Variants in FAM193A observed in about 807,000 individuals in gnomAD.
FAM193A encodes protein FAM193A.
In FAM193A, 22 loss-of-function variants were observed where a neutral mutation model predicts 126.5. That is an observed-to-expected ratio of 0.17 (90% confidence interval 0.12 to 0.25). The LOEUF (loss-of-function observed/expected upper bound fraction) is 0.25, where lower values mean the gene tolerates loss of function less well. Ranked by LOEUF, FAM193A falls within the 10% of genes least tolerant of loss-of-function variation. The probability of loss-of-function intolerance (pLI) is 1.00; values close to 1 mark genes in which losing one functional copy is unlikely to be tolerated. For synonymous variants in FAM193A, 761 were observed against 646.8 expected (o/e 1.18, Z -2.68); for missense variants, 1,675 against 1,672.8 (o/e 1.00, Z -0.02).
At chr4:2,556,866 C>G (rs2108831867) in intron 1 of FAM193A, among the ~76,000 whole-genome samples, 1 of 152,218 alleles carries the variant, frequency 6.6e-6, no homozygotes, top group Admixed American at 6.5e-5. Flanking sequence ...TTAGATAGAG[C>G]TTGAAACTGA....
intron 2 of FAM193A, among the ~76,000 whole-genome samples, chr4:2,624,812 G>C (rs527496850): frequency 9.8e-5 from 15 of 152,312 alleles, no homozygotes; most frequent in African/African-American, 3.6e-4. Context: ...AAAATGGTGG[G>C]ATTACAGGCG....
intron 2 of FAM193A, chr4:2,608,049 T>G: frequency 6.2e-7 from 1 of 1,608,752 alleles, no homozygotes; most frequent in Non-Finnish European, 8.5e-7. Flanking sequence ...GTGTGCAGCA[T>G]AAATTGCAGA....
At position 2,594,820 on chromosome 4, in the gene FAM193A, CTTTTTTTTTTT is replaced by C. The variant is rs386399069; in HGVS notation, c.256-1248_256-1238del. ...GTTTCTTTCTTTTTCTTTTCTTTTC[CTTTTTTTTTTT>C]TTTTTTTTTTTTTTTGAGACTTAGT... On this transcript the variant is annotated intron_variant, in intron 1 of 20. Transcript: ENST00000637812. 5.9e-4 allele frequency among the ~76,000 whole-genome samples: 37 copies of C among 62,230 alleles called. 1 individual carries two copies. Among genetic ancestry groups the C allele is most frequent in the East Asian group, 1.1e-3 (2 of 1,790 alleles). 40.8% of individuals were successfully genotyped at this position (62,230 alleles called of 152,430 possible).
chr4:2,568,935 G>A (rs1739125446), intron 1 of FAM193A, among the ~76,000 whole-genome samples: 1 of 149,232 alleles, frequency 6.7e-6, no homozygotes, highest in South Asian at 2.1e-4. Context: ...ACACTAGTGT[G>A]GTTACTCATT....
chr4:2,548,337 C>T (rs1389860766), intron 1 of FAM193A, among the ~76,000 whole-genome samples: 11 of 152,078 alleles, frequency 7.2e-5, no homozygotes, highest in Non-Finnish European at 1.5e-4. Flanking sequence ...TCCCAAAGTA[C>T]TGGGATTTCA....
In FAM193A at chr4:2,601,725, TA is replaced by T. The variant is rs974230252; in HGVS notation, c.501+5409del. ...CTAACATAGAAAGACTCTGTCTCTA[TA>T]AAAAAAAAAAAATTATAAACCAAAA... On this transcript the variant is annotated intron_variant, in intron 2 of 20. Transcript: ENST00000637812. Among the ~76,000 whole-genome samples, 1,303 of 143,098 alleles carry T rather than the reference TA, an allele frequency of 9.1e-3. 20 individuals are homozygous for T. The highest frequency in any genetic ancestry group is 0.027 in the African/African-American group (1,072 of 39,342). The allele number at this position is 143,098 out of a possible 152,430, so 93.9% of individuals were successfully genotyped here.
intron 15 of FAM193A, 58 bp from the exon 16 acceptor site, chr4:2,693,528 A>G (rs1162709061): frequency 6.6e-7 from 1 of 1,516,020 alleles, no homozygotes; most frequent in Non-Finnish European, 9.0e-7. Context: ...CAGATTTTCT[A>G]CAGGTTTGAA....
Position 2,646,741 on chromosome 4 carries a change from A to G in FAM193A, c.1220A>G (p.Gln407Arg). The change falls in exon 7 of 21, where the codon CAG becomes CGG. Residue 407 changes from glutamine (Q) to arginine (R), a missense_variant. Physicochemically the swap from Gln to Arg is conservative, Grantham distance 43. Coordinates refer to ENST00000637812, the MANE Select transcript of FAM193A (RefSeq NM_001366318.2). ...CSEDTYSTLL[Q>R]RYQRSEEELR... ...GAGGACACATACAGTACCTTGCTGC[A>G]GAGGTACCAGCGTTCCGAGGAGGAG... 6.2e-7 allele frequency: 1 copy of G among 1,614,086 alleles called. No individual in the cohort carries two copies.
upstream of FAM193A, chr4:2,536,576 G>A (rs1472055737): frequency 2.0e-5 from 3 of 147,108 alleles, no homozygotes; most frequent in African/African-American, 7.4e-5. Context: ...GGCGGGGTGG[G>A]GGTGGGGGGT....
chr4:2,660,773 A>G (rs1454937796), intron 10 of FAM193A, among the ~76,000 whole-genome samples: 2 of 152,186 alleles, frequency 1.3e-5, no homozygotes, highest in African/African-American at 2.4e-5. Context: ...ACTTGTGTTC[A>G]TTCCTTCTGT....
rs190316800 is a variant in FAM193A at position 2,542,404 on chromosome 4, A to G, written c.255+5234A>G. Among the ~76,000 whole-genome samples the G allele has an allele frequency of 2.0e-3, 299 of 152,346 alleles. 10 individuals are homozygous for G. In the East Asian group the frequency reaches 0.049, roughly 25 times the overall value. Reference sequence around the variant, plus strand: ...ATCTATCTACCTGCCTGGGCCTCCAAAAGTGCTGGAATTACAGGCGTGAGC... The same window carrying G: ...ATCTATCTACCTGCCTGGGCCTCCAGAAGTGCTGGAATTACAGGCGTGAGC... On this transcript the variant is annotated intron_variant, in intron 1 of 20. Transcript: ENST00000637812.
chr4:2,723,497 C>G (rs1720386879), intron 20 of FAM193A, among the ~76,000 whole-genome samples: 1 of 151,594 alleles, frequency 6.6e-6, no homozygotes, highest in Admixed American at 6.6e-5. Flanking sequence ...TTGCTTGAAC[C>G]CAGGAGGCGG....
At chr4:2,603,166 AT>A (rs1741312438) in intron 2 of FAM193A, among the ~76,000 whole-genome samples, 2 of 146,710 alleles carry the variant, frequency 1.4e-5, no homozygotes, top group African/African-American at 5.2e-5. Flanking sequence ...GTATATATAT[AT>A]ATTTTTTAGT....
intron 14 of FAM193A, 28 bp downstream of exon 14, chr4:2,689,732 A>G (rs1320290299): frequency 6.6e-7 from 1 of 1,520,668 alleles, no homozygotes; most frequent in Non-Finnish European, 8.9e-7. Flanking sequence ...ACTTTCTTGA[A>G]GTTTTAAAAT....
At chr4:2,567,351 A>G (rs144721033) in intron 1 of FAM193A, among the ~76,000 whole-genome samples, 7 of 152,328 alleles carry the variant, frequency 4.6e-5, no homozygotes, top group East Asian at 3.9e-4. Flanking sequence ...AGTGCAGCCA[A>G]TGATATACTT....
At chr4:2,620,643 T>G (rs1286723732) in intron 2 of FAM193A, among the ~76,000 whole-genome samples, 1 of 150,306 alleles carries the variant, frequency 6.7e-6, no homozygotes, top group Non-Finnish European at 1.5e-5. Context: ...AGGTCAGGAG[T>G]TGGGAGACCA....
intron 6 of FAM193A, among the ~76,000 whole-genome samples, chr4:2,642,321 AT>A (rs1744718764): frequency 6.6e-6 from 1 of 151,972 alleles, no homozygotes; most frequent in African/African-American, 2.4e-5. Context: ...ACACAAAAAA[AT>A]CAGAACAAGG....
chr4:2,556,349 G>T (rs1047283471), intron 1 of FAM193A, among the ~76,000 whole-genome samples: 5 of 152,188 alleles, frequency 3.3e-5, no homozygotes, highest in Non-Finnish European at 5.9e-5. Flanking sequence ...GGGACTACAG[G>T]TACGCACCAC....
intron 2 of FAM193A, among the ~76,000 whole-genome samples, chr4:2,620,465 A>G (rs1433468717): frequency 6.6e-6 from 1 of 152,138 alleles, no homozygotes; most frequent in Non-Finnish European, 1.5e-5. Context: ...GAGGAGATTA[A>G]CTGGGGTGTT....
Sources: allele counts gnomAD v4.1 joint callset (sites outside exome capture counted in the v4.1 genomes callset), GRCh38; gene constraint gnomAD v4.1.1; transcripts MANE v1.5; gene names NCBI Gene and HGNC (gene_info 2026-07-23, HGNC 2026-07-21).